Variants in NAV1 observed in about 807,000 individuals in gnomAD.
NAV1 encodes neuron navigator 1.
NAV1 carries 18 observed loss-of-function variants against 175.2 expected under a neutral mutation model. That is an observed-to-expected ratio of 0.10 (90% CI 0.07 to 0.15). The LOEUF (loss-of-function observed/expected upper bound fraction) is 0.15, where lower values mean the gene tolerates loss of function less well. NAV1 is among the 10% of genes least tolerant of loss of function. The pLI, the probability that NAV1 is intolerant of heterozygous loss-of-function variation, is 1.00. For synonymous variants in NAV1, 897 were observed against 978.7 expected (o/e 0.92, Z 1.56); for missense variants, 1,731 against 2,436.6 (o/e 0.71, Z 6.10).
rs1011597612 is a variant in NAV1, at chr1:201,739,869, G to A, written c.1226+21114G>A. 7.0e-6 allele frequency: 9 copies of A among 1,284,284 alleles called. No homozygotes were observed. In the African/African-American group the frequency reaches 1.4e-4, roughly 20 times the overall value. 79.6% of individuals were successfully genotyped at this position (1,284,284 alleles called of 1,614,324 possible). A position where few individuals can be genotyped will look rare whatever the true frequency, so the allele number is the denominator to read the frequency against. On this transcript the variant is annotated intron_variant, in intron 3 of 29. Coordinates refer to ENST00000367296, the Ensembl canonical transcript of NAV1. ...CGTAAGTACAAGCCCTGGTGGTGGG[G>A]AGAAAAGGGAGCGGAGGGCAGGCGA...
At chr1:201,688,484 T>C (rs999738274) in intron 1 of NAV1, 1 of 152,144 alleles carries the variant, frequency 6.6e-6, no homozygotes, top group Non-Finnish European at 1.5e-5. Context: ...AATAAAGGTT[T>C]TACACACAAA....
At chr1:201,560,091 TTG>T (rs973537409) in intron 1 of NAV1, among the ~76,000 whole-genome samples, 6 of 152,184 alleles carry the variant, frequency 3.9e-5, no homozygotes, top group Non-Finnish European at 8.8e-5. Context: ...TCTCTCTGTG[TTG>T]TGTTTGCCTC....
chr1:201,543,607 A>C (rs1396889375), intron 1 of NAV1, among the ~76,000 whole-genome samples: 1 of 152,138 alleles, frequency 6.6e-6, no homozygotes, highest in Non-Finnish European at 1.5e-5. Context: ...GATGTATTTA[A>C]TTATACTTTT....
Position 201,810,195 on chromosome 1 carries a change from A to T in NAV1, c.4561+90A>T, listed in dbSNP as rs756350867. Reference sequence around the variant, plus strand: ...TCCATCATGCATTCATTCACCAAGAACTCACTGAGAAGGTATAATATGAAG... The same window carrying T: ...TCCATCATGCATTCATTCACCAAGATCTCACTGAGAAGGTATAATATGAAG... On this transcript the variant is annotated intron_variant, in intron 23 of 29. Coordinates refer to ENST00000367296, the Ensembl canonical transcript of NAV1. This position sits in a 1 kb window ranked among gnomAD's most constrained non-coding sequence, Gnocchi z 6.0. 6.7e-7 allele frequency: 1 copy of T among 1,501,958 alleles called. No individual in the cohort carries two copies. The highest frequency in any genetic ancestry group is 9.1e-7 in the Non-Finnish European group (1 of 1,100,324). The allele number at this position is 1,501,958 out of a possible 1,614,324, so 93.0% of individuals were successfully genotyped here. A position where few individuals can be genotyped will look rare whatever the true frequency, so the allele number is the denominator to read the frequency against.
intron 2 of NAV1, among the ~76,000 whole-genome samples, chr1:201,631,464 T>C (rs1175702668): frequency 6.6e-6 from 1 of 152,248 alleles, no homozygotes; most frequent in Non-Finnish European, 1.5e-5. Context: ...AGTGAGTGTT[T>C]GCCTTGTGCT....
chr1:201,654,930 G>A (rs2493789), intron 1 of NAV1, among the ~76,000 whole-genome samples: 8 of 152,278 alleles, frequency 5.3e-5, no homozygotes, highest in East Asian at 1.9e-4. Flanking sequence ...ATTTCTACCC[G>A]TGGGTCTGAA....
At chr1:201,804,381 C>T (rs574036446) in intron 16 of NAV1, 108 bp from the exon 21 acceptor site, 32 of 1,165,706 alleles carry the variant, frequency 2.7e-5, no homozygotes, top group Non-Finnish European at 3.5e-5. Context: ...CACCCCCAGA[C>T]CTTTGTATAA....
At chr1:201,780,002 T>C (rs77506984) in intron 3 of NAV1, among the ~76,000 whole-genome samples, 1,628 of 152,226 alleles carry the variant, frequency 0.011, 34 homozygotes, top group African/African-American at 0.038. Context: ...TCATTACCAG[T>C]TATAGACATT....
upstream of NAV1, among the ~76,000 whole-genome samples, chr1:201,621,523 G>A (rs1668171967): frequency 6.7e-6 from 1 of 150,050 alleles, no homozygotes; most frequent in Non-Finnish European, 1.5e-5. Flanking sequence ...GTAGAGACGG[G>A]GTTTCATCAT....
intron 2 of NAV1, among the ~76,000 whole-genome samples, chr1:201,592,754 G>A (rs1021325809): frequency 1.3e-5 from 2 of 152,082 alleles, no homozygotes; most frequent in African/African-American, 4.8e-5. Flanking sequence ...TGGGGTCCAG[G>A]TGGCAAGATG....
At chr1:201,757,162 T>C (rs565991876) in intron 3 of NAV1, among the ~76,000 whole-genome samples, 70 of 152,318 alleles carry the variant, frequency 4.6e-4, no homozygotes, top group Non-Finnish European at 8.2e-4. Flanking sequence ...TTGACTTTCA[T>C]GTGGTACATG....
At chr1:201,606,218 T>C (rs1667671319) in intron 2 of NAV1, among the ~76,000 whole-genome samples, 1 of 152,184 alleles carries the variant, frequency 6.6e-6, no homozygotes, top group Non-Finnish European at 1.5e-5. Flanking sequence ...TCTGGACATG[T>C]GGCCAGGGAT....
At chr1:201,628,178 A>G (rs890676388) in intron 1 of NAV1, among the ~76,000 whole-genome samples, 8 of 150,216 alleles carry the variant, frequency 5.3e-5, no homozygotes, top group Non-Finnish European at 1.0e-4. Context: ...GTACATGGCG[A>G]TTGTCCCCAT....
chr1:201,663,420 A>G (rs1669690558), intron 1 of NAV1, among the ~76,000 whole-genome samples: 1 of 152,196 alleles, frequency 6.6e-6, no homozygotes, highest in Admixed American at 6.5e-5. Flanking sequence ...AAAACTGGCC[A>G]TGTCCTCATT....
At chr1:201,676,766 A>G (rs1461138200) in intron 1 of NAV1, among the ~76,000 whole-genome samples, 1 of 152,212 alleles carries the variant, frequency 6.6e-6, no homozygotes, top group Non-Finnish European at 1.5e-5. Context: ...TAGATAATTA[A>G]TAATCATGTC....
At chr1:201,540,181 G>T (rs373457178) in intron 1 of NAV1, among the ~76,000 whole-genome samples, 1 of 152,164 alleles carries the variant, frequency 6.6e-6, no homozygotes, top group East Asian at 1.9e-4. Context: ...TAGGGGTGAC[G>T]TCCACCCGGC....
chr1:201,610,509 G>C (rs1667814028), intron 2 of NAV1, among the ~76,000 whole-genome samples: 1 of 152,234 alleles, frequency 6.6e-6, no homozygotes, highest in Non-Finnish European at 1.5e-5. Flanking sequence ...AGGGTGATAG[G>C]ATGAGAGATT....
At chr1:201,649,538 C>T in intron 1 of NAV1, 113 bp downstream of exon 5, 1 of 1,424,576 alleles carries the variant, frequency 7.0e-7, no homozygotes, top group Non-Finnish European at 9.2e-7. Flanking sequence ...GAGGGCCCTC[C>T]TGTTCACGAT....
chr1:201,552,498 T>TG (rs1557993786), intron 1 of NAV1, among the ~76,000 whole-genome samples: 1 of 106,866 alleles, frequency 9.4e-6, no homozygotes, highest in Non-Finnish European at 2.1e-5. Context: ...TCCCTGACAT[T>TG]GGGCTCTGAC....
Sources: gnomAD v4.1 joint callset for allele counts (sites outside exome capture counted in the v4.1 genomes callset) on GRCh38, gnomAD v4.1.1 for gene constraint, Gnocchi (gnomAD v3.1) non-coding constraint, MANE v1.5 for transcripts, NCBI Gene and HGNC (gene_info 2026-07-23, HGNC 2026-07-21) for gene names.